The following JAK2 variants were observed in gnomAD, a reference collection of about 807,000 sequenced individuals.
The protein encoded by JAK2 is tyrosine-protein kinase JAK2.
JAK2 carries 86 observed loss-of-function variants against 139.3 expected under a neutral mutation model. The observed-to-expected ratio is 0.62, with a 90% confidence interval of 0.52 to 0.74. The LOEUF (loss-of-function observed/expected upper bound fraction) is 0.74. Ranked by LOEUF, JAK2 falls within the 30% of genes least tolerant of loss-of-function variation. JAK2 has a pLI of 0.00. For synonymous variants in JAK2, 490 were observed against 437.7 expected, an observed-to-expected ratio of 1.12 and a Z score of -1.49; for missense variants, 1,421 against 1,360.3, an observed-to-expected ratio of 1.04 and a Z score of -0.70.
intron 2 of JAK2, among the ~76,000 whole-genome samples, chr9:4,990,912 T>A (rs1457047349): frequency 6.6e-6 from 1 of 152,170 alleles, no homozygotes; most frequent in Non-Finnish European, 1.5e-5. Flanking sequence ...GGATGAGAAT[T>A]TTAGGCATAA....
At chr9:5,082,972 A>G (rs974771380) in intron 19 of JAK2, among the ~76,000 whole-genome samples, 7 of 152,238 alleles carry the variant, frequency 4.6e-5, no homozygotes, top group African/African-American at 7.2e-5. Context: ...ACACAGTAAC[A>G]CACTGATCTC....
chr9:4,985,398 G>A lies in JAK2; in HGVS notation c.-341G>A, dbSNP rs1046380541. The A allele has an allele frequency of 2.6e-5, 4 of 152,532 alleles. No homozygotes were observed. The highest frequency in any genetic ancestry group is 2.0e-4 in the Admixed American group (3 of 15,292). 9.4% of individuals were successfully genotyped at this position (152,532 alleles called of 1,614,324 possible). A position where few individuals can be genotyped will look rare whatever the true frequency, so the allele number is the denominator to read the frequency against. The stretch of plus-strand genomic sequence containing the variant: ...TCGGCCGGTCGGGCCCCTCGGCCCG[G>A]GCTTGCGGCGCGCGTCGGGGCTGAG... On this transcript the variant is annotated 5_prime_UTR_variant, in exon 1 of 25. Transcript: ENST00000381652.
Position 5,077,518 on chromosome 9 carries a change from T to G in JAK2, c.1930T>G (p.Cys644Gly), listed in dbSNP as rs1819383457. The G allele has an allele frequency of 1.4e-6, 2 of 1,464,146 alleles. No homozygotes were observed. The highest frequency in any genetic ancestry group is 2.9e-5 in the African/African-American group (2 of 68,230). The allele number at this position is 1,464,146 out of a possible 1,614,324, so 90.7% of individuals were successfully genotyped here. The change falls in exon 15 of 25, where the codon TGT becomes GGT. Residue 644 changes from cysteine (C) to glycine (G), a missense_variant. By Grantham distance (159) the Cys-to-Gly change is radical. Coordinates refer to ENST00000381652, the MANE Select transcript of JAK2 (RefSeq NM_004972.4). ...LDTYLKKNKNCINILWKLEVA... is the reference protein window; with the variant it reads ...LDTYLKKNKNGINILWKLEVA... ...TACATATCTGAAAAAGAATAAAAAT[T>G]GTATAAATATATTATGGAAACTTGA...
chr9:5,097,643 G>A (rs544289006), intron 22 of JAK2: 2 of 152,270 alleles, frequency 1.3e-5, no homozygotes, highest in South Asian at 2.1e-4. Flanking sequence ...GCTACACTGC[G>A]TGGTGGTAAC....
At chr9:5,000,798 G>A (rs1328651389) in intron 2 of JAK2, among the ~76,000 whole-genome samples, 1 of 152,170 alleles carries the variant, frequency 6.6e-6, no homozygotes, top group African/African-American at 2.4e-5. Context: ...TATTAAGTAA[G>A]AACTGGATAA....
At position 5,081,840 on chromosome 9, in the gene JAK2, A is replaced by G; in HGVS notation, c.2550A>G (p.Lys850=). ...DPTQFEERHL[K]FLQQLGKGNF... ...CACAGTTTGAAGAGAGACATTTGAA[A>G]TTTCTACAGCAACTTGGCAAGGTAA... Residue 850 remains lysine, a synonymous_variant, in exon 19 of 25, where the codon AAA becomes AAG. Transcript: ENST00000381652. 1 of 1,613,610 alleles carries G rather than the reference A, an allele frequency of 6.2e-7. No individual in the cohort carries two copies. The highest frequency in any genetic ancestry group is 8.5e-7 in the Non-Finnish European group (1 of 1,179,640).
At chr9:5,047,037 C>G (rs887992111) in intron 5 of JAK2, among the ~76,000 whole-genome samples, 1 of 152,038 alleles carries the variant, frequency 6.6e-6, no homozygotes. Context: ...GAAGGATTGT[C>G]TTATCTAGCA....
chr9:5,009,959 G>A (rs1486091754), intron 2 of JAK2, among the ~76,000 whole-genome samples: 2 of 152,120 alleles, frequency 1.3e-5, no homozygotes, highest in Admixed American at 1.3e-4. Context: ...TTTTTGTAGA[G>A]ACAGGGTCTC....
chr9:5,126,409 A>C lies in JAK2; in HGVS notation c.3254A>C (p.Asn1085Thr). The C allele has an allele frequency of 6.2e-7, 1 of 1,610,896 alleles. No individual in the cohort carries two copies. Among genetic ancestry groups the C allele is most frequent in the Non-Finnish European group, 8.5e-7 (1 of 1,177,870 alleles). ...CATTTGATAGAACTTTTGAAGAATAATGGAAGATTACCAAGACCAGATGGA... is the reference window on the plus strand; with the variant it reads ...CATTTGATAGAACTTTTGAAGAATACTGGAAGATTACCAAGACCAGATGGA... ...VFHLIELLKN[N>T]GRLPRPDGCP... Residue 1085 changes from asparagine (N) to threonine (T), a missense_variant, in exon 24 of 25, where the codon AAT becomes ACT. By Grantham distance (65) the Asn-to-Thr change is moderately conservative (BLOSUM62 0). Coordinates refer to ENST00000381652, the MANE Select transcript of JAK2 (RefSeq NM_004972.4).
chr9:5,069,872 A>G (rs561326362), intron 11 of JAK2, 53 bp from the exon 12 acceptor site: 23 of 1,257,890 alleles, frequency 1.8e-5, no homozygotes, highest in East Asian at 1.3e-4. Flanking sequence ...CTTTGGAGCA[A>G]TTCATACTTT....
intron 2 of JAK2, among the ~76,000 whole-genome samples, chr9:5,004,521 T>C (rs890761522): frequency 1.3e-5 from 2 of 152,226 alleles, no homozygotes; most frequent in African/African-American, 2.4e-5. Flanking sequence ...CTGTATTTTC[T>C]TTATCAGTTC....
intron 20 of JAK2, 38 bp downstream of exon 20, chr9:5,089,901 A>G: frequency 1.5e-6 from 2 of 1,367,206 alleles, no homozygotes; most frequent in Non-Finnish European, 1.9e-6. Flanking sequence ...AATTCAAGGT[A>G]TGTGTTTGGC....
At chr9:5,085,111 G>C (rs1455126135) in intron 19 of JAK2, 2 of 655,144 alleles carry the variant, frequency 3.1e-6, no homozygotes, top group African/African-American at 1.8e-5. Flanking sequence ...GGCAAGGTAG[G>C]TTGTTTGTTT....
intron 10 of JAK2, among the ~76,000 whole-genome samples, chr9:5,068,252 T>C (rs1198582616): frequency 6.6e-6 from 1 of 151,872 alleles, no homozygotes; most frequent in African/African-American, 2.4e-5. Context: ...AGATTTTATA[T>C]AAATGTTTCT....
chr9:4,991,948 T>A (rs1054267967), intron 2 of JAK2, among the ~76,000 whole-genome samples: 1 of 152,204 alleles, frequency 6.6e-6, no homozygotes, highest in Middle Eastern at 3.2e-3. Context: ...CTGATTGCTA[T>A]TGCTGTGTAA....
At chr9:5,047,977 A>C (rs2130356475) in intron 5 of JAK2, among the ~76,000 whole-genome samples, 1 of 152,256 alleles carries the variant, frequency 6.6e-6, no homozygotes, top group African/African-American at 2.4e-5. Flanking sequence ...AGTATTTATT[A>C]TGTTTTGGCA....
rs1818760516 is a variant in JAK2 at position 5,069,007 on chromosome 9, ATTAAAC to A, written c.1327-11_1327-6del. On this transcript the variant is annotated splice_polypyrimidine_tract_variant and intron_variant, in intron 10 of 24. Transcript: ENST00000381652. ...GTGACTATCCCTCCCTTTCTTTATA[ATTAAAC>A]TTATACAGCGAGAAAATGTCATTGA... 2.0e-6 allele frequency: 3 copies of A among 1,481,654 alleles called. No individual in the cohort carries two copies. The East Asian group carries it at 6.9e-5, about 34-fold the overall frequency. The allele number at this position is 1,481,654 out of a possible 1,614,324, so 91.8% of individuals were successfully genotyped here.
chr9:5,107,119 C>T (rs1420884186), intron 22 of JAK2, among the ~76,000 whole-genome samples: 2 of 152,096 alleles, frequency 1.3e-5, no homozygotes, highest in African/African-American at 4.8e-5. Context: ...TGTAGTATGA[C>T]TATTCTTATA....
intron 22 of JAK2, among the ~76,000 whole-genome samples, chr9:5,117,264 G>A (rs1823265474): frequency 6.6e-6 from 1 of 152,210 alleles, no homozygotes. Flanking sequence ...CAGCATACAT[G>A]GACGCCCAGT....
Sources: allele counts gnomAD v4.1 joint callset (sites outside exome capture counted in the v4.1 genomes callset), GRCh38; gene constraint gnomAD v4.1.1; transcripts MANE v1.5; gene names NCBI Gene and HGNC (gene_info 2026-07-23, HGNC 2026-07-21).